The following RGS6 variants were observed in gnomAD, a reference collection of about 807,000 sequenced individuals.
The protein encoded by RGS6 is regulator of G protein signaling 6.
RGS6 carries 30 observed loss-of-function variants against 78.5 expected under a neutral mutation model. That is an observed-to-expected ratio of 0.38 (90% confidence interval 0.29 to 0.52). The LOEUF (loss-of-function observed/expected upper bound fraction) is 0.52, where lower values mean the gene tolerates loss of function less well. RGS6 is among the 20% of genes least tolerant of loss of function. The pLI is 0.85. For missense variants in RGS6, 495 were observed against 609.7 expected (o/e 0.81, Z 1.98); for synonymous variants, 206 against 206.0 (o/e 1.00, Z 0.00).
At chr14:72,116,034 A>G (rs1022369378) in intron 2 of RGS6, among the ~76,000 whole-genome samples, 1 of 152,202 alleles carries the variant, frequency 6.6e-6, no homozygotes, top group Admixed American at 6.5e-5. Flanking sequence ...TGAATTTGTA[A>G]TGACACATTC....
chr14:71,873,894 T>A, the RGS6 span, among the ~76,000 whole-genome samples: 72 of 152,208 alleles, frequency 4.7e-4, no homozygotes, highest in East Asian at 2.7e-3. Context: ...TTTATTAAAT[T>A]GGGAATCCTT....
At chr14:72,286,177 T>G (rs1005369004) in intron 2 of RGS6, among the ~76,000 whole-genome samples, 1 of 152,242 alleles carries the variant, frequency 6.6e-6, no homozygotes, top group Non-Finnish European at 1.5e-5. Flanking sequence ...TTACTTTGAG[T>G]TGATTTTTAT....
At chr14:72,337,736 T>A (rs1001288880) in intron 2 of RGS6, among the ~76,000 whole-genome samples, 1 of 152,334 alleles carries the variant, frequency 6.6e-6, no homozygotes, top group Admixed American at 6.5e-5. Context: ...ACAAAAACCT[T>A]TTAATCTGTA....
At chr14:72,279,680 T>C (rs1368976459) in intron 2 of RGS6, among the ~76,000 whole-genome samples, 1 of 152,090 alleles carries the variant, frequency 6.6e-6, no homozygotes, top group East Asian at 1.9e-4. Flanking sequence ...GGGATCTCTG[T>C]TGATGAAAAA....
intron 2 of RGS6, among the ~76,000 whole-genome samples, chr14:72,083,170 T>G (rs1281505288): frequency 6.6e-6 from 1 of 152,208 alleles, no homozygotes; most frequent in Non-Finnish European, 1.5e-5. Flanking sequence ...ATACGCTCAT[T>G]CTTGTACCAA....
intron 2 of RGS6, among the ~76,000 whole-genome samples, chr14:71,965,342 G>C (rs1295075931): frequency 6.6e-6 from 1 of 152,254 alleles, no homozygotes; most frequent in African/African-American, 2.4e-5. Context: ...AGATGTGCAA[G>C]TAGAGTGTTA....
chr14:72,540,224 T>C, intron 17 of RGS6, 130 bp downstream of exon 17: 1 of 1,534,114 alleles, frequency 6.5e-7, no homozygotes. Flanking sequence ...GCTTTCTCCC[T>C]CGACTCAGCC....
At chr14:72,127,274 A>C (rs1373734092) in intron 2 of RGS6, among the ~76,000 whole-genome samples, 2 of 152,234 alleles carry the variant, frequency 1.3e-5, no homozygotes, top group Admixed American at 1.3e-4. Context: ...CAAAAGAAGT[A>C]GTATTACTGA....
chr14:71,930,049 G>T (rs557743546), upstream of RGS6, among the ~76,000 whole-genome samples: 2 of 152,322 alleles, frequency 1.3e-5, no homozygotes, highest in South Asian at 4.1e-4. Flanking sequence ...AAGAAACCAA[G>T]GTCTGAGTGT....
Position 72,291,085 on chromosome 14 carries a change from A to G in RGS6, c.85-61010A>G, listed in dbSNP as rs1200533198. The stretch of plus-strand genomic sequence containing the variant: ...CTCTCCACATCCCTGGGGCCAGGCT[A>G]TACCTAGATCCTTCTGCTTGATCTC... On this transcript the variant is annotated intron_variant, in intron 2 of 17. Coordinates refer to ENST00000553525, the MANE Select transcript of RGS6 (RefSeq NM_001204424.2). 2.6e-5 allele frequency among the ~76,000 whole-genome samples: 4 copies of G among 151,864 alleles called. No individual in the cohort carries two copies. The East Asian group carries it at 7.9e-4, about 30-fold the overall frequency.
intron 2 of RGS6, among the ~76,000 whole-genome samples, chr14:72,059,117 C>G (rs992124584): frequency 1.1e-4 from 17 of 152,144 alleles, no homozygotes; most frequent in Non-Finnish European, 2.4e-4. Context: ...CTAGGCTGGT[C>G]TTGAACTCCT....
At chr14:72,243,770 G>A (rs113312935) in intron 2 of RGS6, among the ~76,000 whole-genome samples, 1 of 138,572 alleles carries the variant, frequency 7.2e-6, no homozygotes, top group African/African-American at 2.7e-5. Context: ...TTTTTTTCTT[G>A]TCTTTATAAC....
intron 1 of RGS6, among the ~76,000 whole-genome samples, chr14:71,961,463 A>G (rs2093192503): frequency 6.6e-6 from 1 of 152,138 alleles, no homozygotes; most frequent in East Asian, 1.9e-4. Context: ...GCTTTCCACT[A>G]TGCTGGGGCT....
At chr14:72,206,746 C>T (rs935848853) in intron 2 of RGS6, among the ~76,000 whole-genome samples, 1 of 152,050 alleles carries the variant, frequency 6.6e-6, no homozygotes, top group Non-Finnish European at 1.5e-5. Flanking sequence ...AGACCCATCC[C>T]ATAATTCAAT....
At chr14:72,001,895 CTTTTTTTTTTTTT>C (rs59274317) in intron 2 of RGS6, among the ~76,000 whole-genome samples, 2 of 92,530 alleles carry the variant, frequency 2.2e-5, no homozygotes, top group East Asian at 6.7e-4. Context: ...ATCCATTAAT[CTTTTTTTTTTTTT>C]TTTTTTTTTT....
At chr14:72,618,230 G>A in the RGS6 span, among the ~76,000 whole-genome samples, 5 of 152,152 alleles carry the variant, frequency 3.3e-5, no homozygotes, top group Non-Finnish European at 7.3e-5. Flanking sequence ...TTCCCAGTCA[G>A]GTCTCAGTAG....
rs527538777 is a variant in RGS6, at chr14:72,499,528, G to A, written c.965+4266G>A. ...TCTGATGCCTCCACTGGAATCGTAG[G>A]CTGCTGTCGATCAGATATGTCACAA... On this transcript the variant is annotated intron_variant, in intron 13 of 17. Coordinates refer to ENST00000553525, the MANE Select transcript of RGS6 (RefSeq NM_001204424.2). Among the ~76,000 whole-genome samples the A allele has an allele frequency of 2.0e-5, 3 of 152,256 alleles. No homozygotes were observed. The South Asian group carries it at 6.2e-4, about 32-fold the overall frequency.
chr14:72,476,718 C>G (rs1372971491), intron 10 of RGS6, 24 bp from the exon 11 acceptor site: 1 of 1,608,344 alleles, frequency 6.2e-7, no homozygotes, highest in Admixed American at 1.7e-5. Context: ...GTGGATGATC[C>G]TCTGTGCTTG....
At chr14:72,541,270 C>G (rs2097323432) in intron 17 of RGS6, 18 of 1,449,060 alleles carry the variant, frequency 1.2e-5, no homozygotes, top group Non-Finnish European at 1.7e-5. Context: ...AAGAAAAAGT[C>G]TAAGGCTCCT....
Sources: gnomAD v4.1 joint callset for allele counts (sites outside exome capture counted in the v4.1 genomes callset) on GRCh38, gnomAD v4.1.1 for gene constraint, MANE v1.5 for transcripts, NCBI Gene and HGNC (gene_info 2026-07-23, HGNC 2026-07-21) for gene names.